The following DLG2 variants were observed in gnomAD, a reference collection of about 807,000 sequenced individuals.
The protein encoded by DLG2 is disks large homolog 2.
DLG2 carries 45 observed loss-of-function variants against 132.5 expected under a neutral mutation model. The observed-to-expected ratio is 0.34, with a 90% CI of 0.27 to 0.44. The LOEUF (loss-of-function observed/expected upper bound fraction) is 0.44, where lower values mean the gene tolerates loss of function less well. Among genes scored for constraint, DLG2 ranks in the 20% least tolerant of loss-of-function variants. DLG2 has a pLI of 1.00. For missense variants in DLG2, 1,045 were observed against 1,196.9 expected (o/e 0.87, Z 1.87); for synonymous variants, 424 against 419.6 (o/e 1.01, Z -0.13).
chr11:85,343,252 A>C (rs2082618082), intron 3 of DLG2, among the ~76,000 whole-genome samples: 1 of 152,048 alleles, frequency 6.6e-6, no homozygotes, highest in Admixed American at 6.5e-5. Context: ...TTTTCCCAGG[A>C]GACAGCCTTG....
intron 16 of DLG2, among the ~76,000 whole-genome samples, chr11:83,842,076 A>G (rs1303940111): frequency 6.6e-6 from 1 of 152,126 alleles, no homozygotes; most frequent in African/African-American, 2.4e-5. Flanking sequence ...TTTTCTCTTA[A>G]TATTATGTAA....
intron 7 of DLG2, among the ~76,000 whole-genome samples, chr11:84,437,035 C>T (rs12793229): frequency 0.026 from 4,014 of 152,272 alleles, 89 homozygotes; most frequent in Non-Finnish European, 0.042. Flanking sequence ...TAATGCAGTA[C>T]AGCAACAAGT....
chr11:85,184,871 T>A (rs1290806204), intron 4 of DLG2, among the ~76,000 whole-genome samples: 10 of 150,878 alleles, frequency 6.6e-5, no homozygotes, highest in Non-Finnish European at 1.2e-4. Flanking sequence ...GCAACCAATT[T>A]AAAAAAAAAC....
chr11:85,134,962 T>G (rs578239040), intron 5 of DLG2, among the ~76,000 whole-genome samples: 2 of 152,314 alleles, frequency 1.3e-5, no homozygotes, highest in African/African-American at 4.8e-5. Context: ...TCCATTCCAT[T>G]AGGTAACTCT....
intron 3 of DLG2, among the ~76,000 whole-genome samples, chr11:85,546,196 G>C (rs1378205878): frequency 1.3e-5 from 2 of 152,096 alleles, no homozygotes; most frequent in African/African-American, 4.8e-5. Context: ...TTGTGTCTTT[G>C]TTCTCATTGG....
At chr11:84,198,410 A>G (rs1409250699) in intron 8 of DLG2, among the ~76,000 whole-genome samples, 1 of 152,176 alleles carries the variant, frequency 6.6e-6, no homozygotes, top group Admixed American at 6.5e-5. Context: ...TATATTTTAT[A>G]AAAGGAAAAT....
chr11:84,307,620 C>G (rs893514343), intron 7 of DLG2, among the ~76,000 whole-genome samples: 9 of 147,068 alleles, frequency 6.1e-5, no homozygotes, highest in South Asian at 4.3e-4. Flanking sequence ...GGCGTGAACC[C>G]GGGAAGCAGA....
At chr11:84,919,672 G>A (rs928631370) in intron 6 of DLG2, among the ~76,000 whole-genome samples, 1 of 152,088 alleles carries the variant, frequency 6.6e-6, no homozygotes, top group Non-Finnish European at 1.5e-5. Context: ...GGGTATGTTT[G>A]TAGTAGCAAT....
rs149045640 is a variant in DLG2, at chr11:85,379,174, C to T, written c.41-93809G>A. Among the ~76,000 whole-genome samples, 17 of 152,240 alleles carry T rather than the reference C, an allele frequency of 1.1e-4. No homozygotes were observed. In the South Asian group the frequency reaches 1.2e-3, roughly 11 times the overall value. Reference sequence around the variant, plus strand: ...AACTTCCTTGGACTCCATGAAAATGCGGAGAAGAGTGGGATGAACTTAGAC... The same window carrying T: ...AACTTCCTTGGACTCCATGAAAATGTGGAGAAGAGTGGGATGAACTTAGAC... On this transcript the variant is annotated intron_variant, in intron 3 of 27. Coordinates refer to ENST00000376104, the MANE Select transcript of DLG2 (RefSeq NM_001142699.3).
At chr11:85,195,796 G>A (rs1316056658) in intron 4 of DLG2, among the ~76,000 whole-genome samples, 1 of 152,052 alleles carries the variant, frequency 6.6e-6, no homozygotes, top group Non-Finnish European at 1.5e-5. Context: ...AAAGTGCTGG[G>A]ATTACAAGCC....
chr11:85,016,148 T>C (rs554047382), intron 6 of DLG2, among the ~76,000 whole-genome samples: 58 of 152,182 alleles, frequency 3.8e-4, no homozygotes, highest in Non-Finnish European at 6.5e-4. Flanking sequence ...AATATTGTCA[T>C]TGATGTTTTA....
intron 14 of DLG2, among the ~76,000 whole-genome samples, chr11:83,931,178 T>C (rs2154130776): frequency 6.6e-6 from 1 of 152,364 alleles, no homozygotes; most frequent in Non-Finnish European, 1.5e-5. Context: ...GTCCATCTAA[T>C]ATCTTCTGTA....
At chr11:85,432,084 C>T (rs10751124) in intron 3 of DLG2, among the ~76,000 whole-genome samples, 110,829 of 152,062 alleles carry the variant, frequency 0.73, 41,483 homozygotes, top group Middle Eastern at 0.85. Flanking sequence ...CGAAGAGGAA[C>T]CTGACTGTTG....
chr11:83,849,689 G>A (rs1488099982), intron 16 of DLG2, among the ~76,000 whole-genome samples: 3 of 150,926 alleles, frequency 2.0e-5, no homozygotes, highest in Non-Finnish European at 4.4e-5. Context: ...AGCATAGCAT[G>A]TGCTTTGCAA....
intron 4 of DLG2, among the ~76,000 whole-genome samples, chr11:85,254,461 T>A (rs912527642): frequency 3.9e-5 from 6 of 152,238 alleles, no homozygotes; most frequent in African/African-American, 1.2e-4. Flanking sequence ...GATTTGCTTT[T>A]TCATTCTGTT....
chr11:83,597,589 A>G (rs1314128222), intron 19 of DLG2, among the ~76,000 whole-genome samples: 2 of 150,870 alleles, frequency 1.3e-5, no homozygotes, highest in East Asian at 3.9e-4. Flanking sequence ...CGCCCCAGCT[A>G]CTCAGGAGGC....
chr11:84,782,509 G>A (rs2072002179), intron 6 of DLG2, among the ~76,000 whole-genome samples: 1 of 151,618 alleles, frequency 6.6e-6, no homozygotes, highest in South Asian at 2.1e-4. Context: ...TCTCTATAGG[G>A]CTTAGTGAAT....
intron 3 of DLG2, among the ~76,000 whole-genome samples, chr11:85,319,320 G>A (rs1048798334): frequency 4.0e-5 from 6 of 151,772 alleles, no homozygotes; most frequent in African/African-American, 1.2e-4. Context: ...ATCTAAAAGT[G>A]TAAATATTAA....
At chr11:84,336,702 GCC>G (rs1178962927) in intron 7 of DLG2, among the ~76,000 whole-genome samples, 1 of 152,152 alleles carries the variant, frequency 6.6e-6, no homozygotes, top group Non-Finnish European at 1.5e-5. Context: ...CTCCCCGGGA[GCC>G]AAGTCTAGGA....
Sources: gnomAD v4.1 joint callset for allele counts (sites outside exome capture counted in the v4.1 genomes callset) on GRCh38, gnomAD v4.1.1 for gene constraint, MANE v1.5 for transcripts, NCBI Gene and HGNC (gene_info 2026-07-23, HGNC 2026-07-21) for gene names.